Variants in GRIP1 observed in about 807,000 individuals in gnomAD.
GRIP1 encodes glutamate receptor-interacting protein 1.
GRIP1 carries 45 observed loss-of-function variants against 129.9 expected under a neutral mutation model. The ratio of observed to expected loss-of-function variants is 0.35; its 90% CI spans 0.27 to 0.44. GRIP1 has a LOEUF of 0.44. Among genes scored for constraint, GRIP1 ranks in the 20% least tolerant of loss-of-function variants. GRIP1 has a pLI of 1.00. For missense variants in GRIP1, 1,196 were observed against 1,396.8 expected (o/e 0.86, Z 2.29); for synonymous variants, 530 against 520.8 (o/e 1.02, Z -0.24).
intron 1 of GRIP1, among the ~76,000 whole-genome samples, chr12:67,049,559 CA>C (rs2043308073): frequency 6.6e-6 from 1 of 151,940 alleles, no homozygotes; most frequent in Admixed American, 6.6e-5. Flanking sequence ...CAGGGCCTGT[CA>C]GGGGTTGAAG....
chr12:66,835,106 T>C (rs1412074115), intron 1 of GRIP1, among the ~76,000 whole-genome samples: 1 of 152,020 alleles, frequency 6.6e-6, no homozygotes, highest in Non-Finnish European at 1.5e-5. Context: ...CTAAAACATA[T>C]AAAGAATTTT....
chr12:66,573,506 C>T (rs1033563323), intron 2 of GRIP1, among the ~76,000 whole-genome samples: 1 of 152,166 alleles, frequency 6.6e-6, no homozygotes, highest in Non-Finnish European at 1.5e-5. Flanking sequence ...CCTCATTACA[C>T]TCTCATTTCA....
chr12:66,862,502 T>A (rs2040129878), intron 1 of GRIP1, among the ~76,000 whole-genome samples: 1 of 152,074 alleles, frequency 6.6e-6, no homozygotes, highest in Non-Finnish European at 1.5e-5. Context: ...AGAAAATAGA[T>A]TCCTCACTAC....
chr12:66,785,335 C>CATATAT lies in GRIP1; in HGVS notation c.-420+18717_-420+18718insATATAT, dbSNP rs1448856691. Among the ~76,000 whole-genome samples the CATATAT allele has an allele frequency of 2.3e-3, 63 of 27,794 alleles. 1 individual carries two copies. Among genetic ancestry groups the CATATAT allele is most frequent in the South Asian group, 0.012 (8 of 644 alleles). The allele number at this position is 27,794 out of a possible 152,430, so 18.2% of individuals were successfully genotyped here. On this transcript the variant is annotated intron_variant, in intron 1 of 4. Coordinates refer to the GRIP1 transcript ENST00000538373. Reference sequence around the variant, plus strand: ...ACATACATACATACATACATACATACATACATACATATATATATATATATA... The same window carrying CATATAT: ...ACATACATACATACATACATACATACATATATATACATACATATATATATATATATA...
intron 4 of GRIP1, among the ~76,000 whole-genome samples, chr12:66,530,916 G>T (rs932313080): frequency 6.6e-5 from 10 of 151,700 alleles, no homozygotes; most frequent in Admixed American, 1.3e-4. Flanking sequence ...ATCCTGAAGG[G>T]TTTATTAGAT....
chr12:66,505,847 C>A (rs1473684828), intron 7 of GRIP1, among the ~76,000 whole-genome samples: 1 of 151,886 alleles, frequency 6.6e-6, no homozygotes, highest in Non-Finnish European at 1.5e-5. Flanking sequence ...ATCATATAAA[C>A]CAATAAGAAG....
rs1168698999 is a variant in GRIP1, at chr12:67,068,955, G to A, written c.58+95C>T. ...CGCGGCGCCCCTCCCCCGTCGGCGG[G>A]TGGACGGGTCGGGAGGGAGCCGGGG... On this transcript the variant is annotated intron_variant, in intron 1 of 1. Transcript: ENST00000643019. 6 of 489,698 alleles carry A rather than the reference G, an allele frequency of 1.2e-5. No homozygotes were observed. In the East Asian group the frequency reaches 9.6e-4, roughly 78 times the overall value. 30.3% of individuals were successfully genotyped at this position (489,698 alleles called of 1,614,324 possible).
chr12:66,807,197 TG>T (rs2039010582), upstream of GRIP1, among the ~76,000 whole-genome samples: 1 of 152,126 alleles, frequency 6.6e-6, no homozygotes, highest in South Asian at 2.1e-4. Flanking sequence ...TTTCTTGATA[TG>T]GTTTATATCT....
At chr12:67,011,213 C>T (rs186080487) in intron 1 of GRIP1, among the ~76,000 whole-genome samples, 28 of 152,182 alleles carry the variant, frequency 1.8e-4, no homozygotes, top group Admixed American at 9.2e-4. Context: ...ATCTCATAAA[C>T]GACATCTCCA....
intron 1 of GRIP1, among the ~76,000 whole-genome samples, chr12:66,895,146 C>A (rs979691100): frequency 1.3e-5 from 2 of 152,150 alleles, no homozygotes; most frequent in African/African-American, 4.8e-5. Flanking sequence ...TGTTCAGATG[C>A]CCTTTGATAT....
At chr12:67,049,399 A>G (rs956010222) in intron 1 of GRIP1, among the ~76,000 whole-genome samples, 7 of 152,200 alleles carry the variant, frequency 4.6e-5, no homozygotes, top group South Asian at 2.1e-4. Flanking sequence ...GAATGAGTTC[A>G]TGTCCTTTGC....
At chr12:67,029,021 A>T (rs1437012761) in intron 1 of GRIP1, among the ~76,000 whole-genome samples, 1 of 152,176 alleles carries the variant, frequency 6.6e-6, no homozygotes, top group Non-Finnish European at 1.5e-5. Flanking sequence ...ATAAAATTTG[A>T]TAGAGATGAA....
In GRIP1 at chr12:66,449,444, GA is replaced by G. The variant is rs1051809226; in HGVS notation, c.1355-3937del. ...TAGATCATTTGTCTAGGAGGAGTAA[GA>G]AAAAAAATCGACTTTTCCTTAAGAA... On this transcript the variant is annotated intron_variant, in intron 11 of 24. Coordinates refer to ENST00000359742, the MANE Select transcript of GRIP1 (RefSeq NM_001366722.1). Among the ~76,000 whole-genome samples the G allele has an allele frequency of 1.1e-3, 172 of 151,378 alleles. 2 individuals are homozygous for G. The highest frequency in any genetic ancestry group is 6.0e-4 in the Non-Finnish European group (41 of 67,854).
intron 4 of GRIP1, among the ~76,000 whole-genome samples, chr12:66,537,553 C>T (rs1048783159): frequency 6.7e-6 from 1 of 150,014 alleles, no homozygotes; most frequent in Non-Finnish European, 1.5e-5. Context: ...TACTATGTAC[C>T]CACAGAAATT....
chr12:66,978,113 C>T (rs2042183914), intron 1 of GRIP1, among the ~76,000 whole-genome samples: 1 of 152,066 alleles, frequency 6.6e-6, no homozygotes, highest in East Asian at 1.9e-4. Context: ...TGAACCACGA[C>T]ACCTGGCCCT....
chr12:66,501,662 G>A (rs2060397006), intron 7 of GRIP1, among the ~76,000 whole-genome samples: 1 of 152,062 alleles, frequency 6.6e-6, no homozygotes, highest in African/African-American at 2.4e-5. Flanking sequence ...ATCACACAAA[G>A]AGAGATCGCC....
intron 1 of GRIP1, among the ~76,000 whole-genome samples, chr12:66,748,385 T>G (rs956997789): frequency 6.6e-6 from 1 of 152,226 alleles, no homozygotes; most frequent in South Asian, 2.1e-4. Context: ...AGTTGTATAA[T>G]CTTAGAAGTC....
intron 1 of GRIP1, among the ~76,000 whole-genome samples, chr12:66,868,376 A>T (rs2040240325): frequency 1.3e-5 from 2 of 152,152 alleles, no homozygotes; most frequent in Admixed American, 1.3e-4. Context: ...TCAATGAGAC[A>T]TCTTTTGGCA....
chr12:66,644,962 CAGGCATTTTTACTGGTAGTA>C (rs2032236566), intron 1 of GRIP1, among the ~76,000 whole-genome samples: 1 of 152,046 alleles, frequency 6.6e-6, no homozygotes, highest in Non-Finnish European at 1.5e-5. Context: ...AGTGGAAGAA[CAGGCATTTTTACTGGTAGTA>C]ATAGTATTTC....
Sources: gnomAD v4.1 joint callset for allele counts (sites outside exome capture counted in the v4.1 genomes callset) on GRCh38, gnomAD v4.1.1 for gene constraint, MANE v1.5 for transcripts, NCBI Gene and HGNC (gene_info 2026-07-23, HGNC 2026-07-21) for gene names.